Variants in ZCCHC7 observed in about 807,000 individuals in gnomAD.
The protein encoded by ZCCHC7 is zinc finger CCHC-type containing 7, also known as zinc finger CCHC domain-containing protein 7.
Under a neutral mutation model 52.0 loss-of-function variants are expected in ZCCHC7, and 35 were observed. The observed-to-expected ratio is 0.67, with a 90% CI of 0.51 to 0.89. ZCCHC7 has a LOEUF of 0.89. Among genes scored for constraint, ZCCHC7 ranks in the 40% least tolerant of loss-of-function variants. ZCCHC7 has a pLI of 0.00. For synonymous variants in ZCCHC7, 217 were observed against 221.5 expected (o/e 0.98, Z 0.18); for missense variants, 574 against 649.1 (o/e 0.88, Z 1.26).
At chr9:37,255,488 A>C (rs1826543118) in intron 2 of ZCCHC7, among the ~76,000 whole-genome samples, 1 of 152,102 alleles carries the variant, frequency 6.6e-6, no homozygotes, top group Admixed American at 6.5e-5. Context: ...TGCTACTCAG[A>C]ATGGCGTGCA....
chr9:37,145,948 G>A (rs969652812), intron 2 of ZCCHC7, among the ~76,000 whole-genome samples: 1 of 151,914 alleles, frequency 6.6e-6, no homozygotes, highest in African/African-American at 2.4e-5. Context: ...TTGTTGAAGT[G>A]TGTAGAACAC....
At chr9:37,206,211 C>T (rs1769077340) in intron 2 of ZCCHC7, among the ~76,000 whole-genome samples, 1 of 152,056 alleles carries the variant, frequency 6.6e-6, no homozygotes, top group African/African-American at 2.4e-5. Flanking sequence ...GAGAATAGTA[C>T]TAAGCCAGAA....
chr9:37,241,460 T>TA (rs1409270238), intron 2 of ZCCHC7, among the ~76,000 whole-genome samples: 1 of 151,802 alleles, frequency 6.6e-6, no homozygotes, highest in Non-Finnish European at 1.5e-5. Flanking sequence ...ATATTTCAGC[T>TA]AAAACATACT....
chr9:37,141,971 C>T (rs531366505), intron 2 of ZCCHC7, among the ~76,000 whole-genome samples: 4 of 151,960 alleles, frequency 2.6e-5, no homozygotes, highest in Non-Finnish European at 5.9e-5. Context: ...GTAGAGGTCT[C>T]TGTTCCCAAC....
intron 2 of ZCCHC7, among the ~76,000 whole-genome samples, chr9:37,155,485 T>C (rs1820770507): frequency 1.3e-5 from 2 of 152,258 alleles, no homozygotes; most frequent in Non-Finnish European, 2.9e-5. Context: ...ATTTTTTAAT[T>C]AAATATATTC....
chr9:37,268,225 T>A (rs2133483106), intron 2 of ZCCHC7, among the ~76,000 whole-genome samples: 1 of 152,222 alleles, frequency 6.6e-6, no homozygotes, highest in African/African-American at 2.4e-5. Context: ...TCTTGGTATC[T>A]CTAATGTGCT....
chr9:37,225,441 T>C (rs886172481), intron 2 of ZCCHC7, among the ~76,000 whole-genome samples: 1 of 152,130 alleles, frequency 6.6e-6, no homozygotes, highest in Non-Finnish European at 1.5e-5. Flanking sequence ...CCAAACTAAT[T>C]TTATAAGATT....
chr9:37,211,609 T>C (rs1824218366), intron 2 of ZCCHC7, among the ~76,000 whole-genome samples: 10 of 152,208 alleles, frequency 6.6e-5, no homozygotes, highest in Admixed American at 5.9e-4. Flanking sequence ...AGTAATAGGA[T>C]GTTAATTATG....
At chr9:37,277,579 A>G (rs1042563776) in intron 2 of ZCCHC7, among the ~76,000 whole-genome samples, 2 of 152,234 alleles carry the variant, frequency 1.3e-5, no homozygotes, top group Non-Finnish European at 2.9e-5. Context: ...AACATTTAGA[A>G]TAAAGAAAAA....
intron 2 of ZCCHC7, among the ~76,000 whole-genome samples, chr9:37,297,906 C>A (rs1272709335): frequency 1.3e-5 from 2 of 152,224 alleles, no homozygotes; most frequent in Non-Finnish European, 2.9e-5. Flanking sequence ...ATAACTAAAG[C>A]TTGGGGTGAA....
intron 2 of ZCCHC7, among the ~76,000 whole-genome samples, chr9:37,191,761 C>T (rs1326100696): frequency 6.6e-6 from 1 of 152,186 alleles, no homozygotes; most frequent in Admixed American, 6.5e-5. Context: ...AGTTTATTTT[C>T]ATTTCTGCCC....
chr9:37,136,309 C>T (rs991912214), intron 2 of ZCCHC7, among the ~76,000 whole-genome samples: 1 of 152,108 alleles, frequency 6.6e-6, no homozygotes, highest in African/African-American at 2.4e-5. Context: ...GGCTTAATGT[C>T]ACAGGAAAAT....
chr9:37,180,523 G>A (rs185905000), intron 2 of ZCCHC7, among the ~76,000 whole-genome samples: 12,993 of 141,096 alleles, frequency 0.092, 762 homozygotes, highest in Middle Eastern at 0.16. Flanking sequence ...TGAAAAAAAC[G>A]TCTTGTCTTT....
chr9:37,279,534 G>A (rs1827848701), intron 2 of ZCCHC7, among the ~76,000 whole-genome samples: 1 of 151,998 alleles, frequency 6.6e-6, no homozygotes, highest in Non-Finnish European at 1.5e-5. Context: ...ATAAAAAGCA[G>A]TAATTGAAAG....
At chr9:37,311,063 C>A (rs1346545293) in intron 5 of ZCCHC7, among the ~76,000 whole-genome samples, 1 of 151,580 alleles carries the variant, frequency 6.6e-6, no homozygotes, top group Non-Finnish European at 1.5e-5. Context: ...CTTTAAAAAA[C>A]CCCTGGGGAT....
intron 2 of ZCCHC7, among the ~76,000 whole-genome samples, chr9:37,218,836 G>A (rs1824657950): frequency 6.6e-6 from 1 of 151,700 alleles, no homozygotes; most frequent in African/African-American, 2.4e-5. Flanking sequence ...ATTGTATCCT[G>A]CAGAGCTTTA....
Position 37,126,654 on chromosome 9 carries a change from G to A in ZCCHC7, c.322G>A (p.Val108Ile). The A allele has an allele frequency of 1.9e-6, 3 of 1,614,196 alleles. No individual in the cohort carries two copies. Among genetic ancestry groups the A allele is most frequent in the Non-Finnish European group, 2.5e-6 (3 of 1,180,032 alleles). Residue 108 changes from valine (V) to isoleucine (I), a missense_variant, in exon 2 of 9, where the codon GTT (valine) becomes ATT (isoleucine). This residue lies in a region of ZCCHC7 where 403 missense variants were observed against 461.2 expected (regional missense o/e 0.87). Transcript: ENST00000336755. ...TATTTATAGATGTAAAGGAAAGAAT[G>A]TTAGAGTTCAAGCACAAGAAAATGC... ...DSIYRCKGKN[V>I]RVQAQENAHG...
chr9:37,356,875 A>T lies in ZCCHC7; in HGVS notation c.1239A>T (p.Leu413=), dbSNP rs776973197. ...KNGVIPEPSK[L]PYIKAANENP... is the part of the protein sequence containing the mutation. ...GGGTTATCCCAGAGCCATCCAAGCT[A>T]CCTTATATAAAAGCAGCAAATGAGA... The change falls in exon 9 of 9, where the codon CTA becomes CTT. Residue 413 remains leucine (L), a synonymous_variant. Coordinates refer to ENST00000336755, the MANE Select transcript of ZCCHC7 (RefSeq NM_032226.3). 1 of 1,610,724 alleles carries T rather than the reference A, an allele frequency of 6.2e-7. No homozygotes were observed. The highest frequency in any genetic ancestry group is 2.2e-5 in the East Asian group (1 of 44,850).
chr9:37,135,624 G>A (rs1227544546), intron 2 of ZCCHC7, among the ~76,000 whole-genome samples: 1 of 152,046 alleles, frequency 6.6e-6, no homozygotes, highest in Non-Finnish European at 1.5e-5. Flanking sequence ...ACAAATTGTA[G>A]GTAAATTTGT....
Sources: gnomAD v4.1 joint callset for allele counts (sites outside exome capture counted in the v4.1 genomes callset) on GRCh38, gnomAD v4.1.1 for gene constraint, gnomAD v4.1.1 regional missense constraint, MANE v1.5 for transcripts, NCBI Gene and HGNC (gene_info 2026-07-23, HGNC 2026-07-21) for gene names.